The following ACAD9 variants were observed in gnomAD, a reference collection of about 807,000 sequenced individuals.
ACAD9 encodes acyl-CoA dehydrogenase family member 9.
A neutral mutation model predicts 70.2 loss-of-function variants in ACAD9; 53 were observed. That is an observed-to-expected ratio of 0.75 (90% CI 0.61 to 0.95). ACAD9 has a LOEUF of 0.95. Among genes scored for constraint, ACAD9 ranks in the 40% least tolerant of loss-of-function variants. ACAD9 has a pLI of 0.00. For synonymous variants in ACAD9, 313 were observed against 312.1 expected, an observed-to-expected ratio of 1.00 and a Z score of -0.03; for missense variants, 777 against 802.8, an observed-to-expected ratio of 0.97 and a Z score of 0.39.
At chr3:128,888,288 G>C (rs1433275167) in intron 2 of ACAD9, among the ~76,000 whole-genome samples, 1 of 152,148 alleles carries the variant, frequency 6.6e-6, no homozygotes, top group East Asian at 1.9e-4. Flanking sequence ...AACATCTTAA[G>C]TAGTTTTAGG....
At chr3:128,906,651 G>A (rs1273342628) in intron 12 of ACAD9, among the ~76,000 whole-genome samples, 4 of 152,198 alleles carry the variant, frequency 2.6e-5, no homozygotes, top group Admixed American at 2.6e-4. Context: ...AACCAGGGCC[G>A]GGTGGAGGGC....
chr3:128,887,644 A>AATAAATATATATATATATATATATATAT (rs1436892805), intron 2 of ACAD9, among the ~76,000 whole-genome samples: 3 of 133,100 alleles, frequency 2.3e-5, no homozygotes, highest in African/African-American at 8.7e-5. Context: ...AAAATAAATA[A>AATAAATATATATATATATATATATATAT]ATATATATAT....
At chr3:128,904,597 A>G (rs942292299) in intron 11 of ACAD9, 92 bp downstream of exon 11, 2 of 1,536,692 alleles carry the variant, frequency 1.3e-6, no homozygotes, top group Non-Finnish European at 1.8e-6. Flanking sequence ...GTTGCCTGTC[A>G]TCTTCCTCCT....
intron 2 of ACAD9, among the ~76,000 whole-genome samples, chr3:128,887,396 C>T (rs1487914686): frequency 1.3e-5 from 2 of 151,876 alleles, no homozygotes; most frequent in East Asian, 3.9e-4. Flanking sequence ...GCTTGAGTCC[C>T]AGAGTTTGAG....
At chr3:128,885,006 TAAAAATG>T (rs891788590) in intron 2 of ACAD9, among the ~76,000 whole-genome samples, 11 of 152,294 alleles carry the variant, frequency 7.2e-5, no homozygotes, top group Admixed American at 2.0e-4. Context: ...AAAGCTATAA[TAAAAATG>T]AATAACTAAA....
chr3:128,910,216 T>C (rs1037509547), intron 16 of ACAD9, 67 bp downstream of exon 16: 10 of 1,609,592 alleles, frequency 6.2e-6, no homozygotes, highest in African/African-American at 1.3e-5. Flanking sequence ...TTTAATGAAG[T>C]TGATTGTTGA....
rs1432669401 is a variant in ACAD9 at position 128,908,265 on chromosome 3, G to A, written c.1358+1G>A. On this transcript the variant is annotated splice_donor_variant, in intron 13 of 17. Transcript: ENST00000308982. LOFTEE classifies it high-confidence loss of function. ...GCCGCATCCTGACTACCAGGATCCA[G>A]TAGGTGCCATTGTCACCGTGTGCTT... is the stretch of plus-strand genomic sequence containing the variant. 1 of 1,614,156 alleles carries A rather than the reference G, an allele frequency of 6.2e-7. No individual in the cohort carries two copies. Among genetic ancestry groups the A allele is most frequent in the Non-Finnish European group, 8.5e-7 (1 of 1,180,026 alleles).
chr3:128,879,783 G>T lies in ACAD9; in HGVS notation c.92G>T (p.Arg31Leu), dbSNP rs753248658. 1 of 1,613,606 alleles carries T rather than the reference G, an allele frequency of 6.2e-7. No individual in the cohort carries two copies. The highest frequency in any genetic ancestry group is 1.3e-5 in the African/African-American group (1 of 74,936). ...TCTACCGCGAACCGGCGGCTACTGC[G>T]CACCAGCCCGCCTGTACGAGCTTTC... ...VVSTANRRLL[R>L]TSPPVRAFAK... The change falls in exon 1 of 18, where the codon CGC becomes CTC. Residue 31 changes from arginine (R) to leucine (L), a missense_variant. Transcript: ENST00000308982.
intron 16 of ACAD9, 110 bp downstream of exon 16, chr3:128,910,259 C>G: frequency 6.4e-7 from 1 of 1,557,462 alleles, no homozygotes; most frequent in African/African-American, 1.3e-5. Context: ...GGAGGCTGTG[C>G]AGGTTCACCA....
In ACAD9 at chr3:128,908,247, C is replaced by T; in HGVS notation, c.1341C>T (p.Ile447=). The T allele has an allele frequency of 6.2e-7, 1 of 1,614,192 alleles. No individual in the cohort carries two copies. The highest frequency in any genetic ancestry group is 8.5e-7 in the Non-Finnish European group (1 of 1,180,032). Residue 447 remains isoleucine (I), a synonymous_variant, in exon 13 of 18, where the codon ATC becomes ATT. Transcript: ENST00000308982. Reference sequence around the variant, plus strand: ...CGGGTCTGCAGCATGCCGGCCGCATCCTGACTACCAGGATCCAGTAGGTGC... The same window carrying T: ...CGGGTCTGCAGCATGCCGGCCGCATTCTGACTACCAGGATCCAGTAGGTGC... ...ALTGLQHAGR[I]LTTRIHELKQ...
In ACAD9 at chr3:128,909,411, G is replaced by T. The variant is rs781149699; in HGVS notation, c.1553G>T (p.Arg518Leu). Residue 518 changes from arginine to leucine, a missense_variant, in exon 15 of 18, where the codon CGC becomes CTC. Physicochemically the swap from Arg to Leu is moderately radical, Grantham distance 102 (BLOSUM62 -2). Transcript: ENST00000308982. The part of the protein sequence containing the change: ...FGRTVETLLL[R>L]FGKTIMEEQL... Reference sequence around the variant, plus strand: ...CGGACCGTGGAGACACTGCTGCTCCGCTTTGGCAAGGTAACCAGGCCCTCC... The same window carrying T: ...CGGACCGTGGAGACACTGCTGCTCCTCTTTGGCAAGGTAACCAGGCCCTCC... 6.2e-7 allele frequency: 1 copy of T among 1,614,062 alleles called. No individual in the cohort carries two copies. The highest frequency in any genetic ancestry group is 1.3e-5 in the African/African-American group (1 of 75,068).
chr3:128,907,265 T>C (rs945481689), intron 12 of ACAD9, among the ~76,000 whole-genome samples: 9 of 152,060 alleles, frequency 5.9e-5, no homozygotes, highest in African/African-American at 2.2e-4. Flanking sequence ...GCCTACCCAT[T>C]GGGTTCCAGC....
intron 2 of ACAD9, among the ~76,000 whole-genome samples, chr3:128,890,133 C>T (rs1376942159): frequency 6.6e-6 from 1 of 151,522 alleles, no homozygotes; most frequent in Non-Finnish European, 1.5e-5. Flanking sequence ...GCCTGTATTT[C>T]CTTTTTTTTT....
In ACAD9 at chr3:128,902,249, A is replaced by G. The variant is rs1340840141; in HGVS notation, c.883-304A>G. ...AAAAGTAGAATTTCTGTTTGGCCCA[A>G]GTTGGTCTTGAACTCCTGGGCTCAA... On this transcript the variant is annotated intron_variant, in intron 8 of 17. Transcript: ENST00000308982. The surrounding 1 kb of genome is among the most constrained non-coding windows in gnomAD (Gnocchi z 4.0). 2.0e-5 allele frequency among the ~76,000 whole-genome samples: 3 copies of G among 152,200 alleles called. No homozygotes were observed. Among genetic ancestry groups the G allele is most frequent in the Admixed American group, 2.0e-4 (3 of 15,280 alleles).
chr3:128,909,529 A>ATGT, intron 15 of ACAD9, 108 bp downstream of exon 15: 1 of 1,205,142 alleles, frequency 8.3e-7, no homozygotes, highest in South Asian at 1.2e-5. Context: ...TAGAACAGAA[A>ATGT]TGTTGATCAC....
chr3:128,906,292 C>T, intron 12 of ACAD9, 43 bp downstream of exon 12: 1 of 1,611,302 alleles, frequency 6.2e-7, no homozygotes, highest in South Asian at 1.1e-5. Flanking sequence ...CCACCCCCAC[C>T]CTGCCTGGTC....
At chr3:128,908,050 T>C in intron 12 of ACAD9, 135 bp from the exon 13 acceptor site, 1 of 848,056 alleles carries the variant, frequency 1.2e-6, no homozygotes, top group Non-Finnish European at 2.0e-6. Context: ...AGAGCCCTGC[T>C]CCCAGCTACT....
chr3:128,904,492 C>T lies in ACAD9; in HGVS notation c.1136C>T (p.Ala379Val). 6.2e-7 allele frequency: 1 copy of T among 1,614,064 alleles called. No individual in the cohort carries two copies. The highest frequency in any genetic ancestry group is 1.1e-5 in the South Asian group (1 of 91,092). ...QPGFPDCSIE[A>V]AMVKVFSSEA... ...GGCTTTCCCGACTGCTCCATCGAGG[C>T]AGCCATGGTGAAGGTAACCCTGGCA... The change falls in exon 11 of 18, where the codon GCA (alanine) becomes GTA (valine). Residue 379 changes from alanine to valine, a missense_variant. Ala to Val is a moderately conservative substitution (Grantham distance 64). Coordinates refer to ENST00000308982, the MANE Select transcript of ACAD9 (RefSeq NM_014049.5).
intron 15 of ACAD9, chr3:128,909,813 C>T (rs1034614424): frequency 8.3e-6 from 6 of 718,870 alleles, no homozygotes; most frequent in Non-Finnish European, 1.4e-5. Flanking sequence ...CTTGCCTTAA[C>T]CCCTCCCTGA....
Sources: gnomAD v4.1 joint callset for allele counts (sites outside exome capture counted in the v4.1 genomes callset) on GRCh38, gnomAD v4.1.1 for gene constraint, Gnocchi (gnomAD v3.1) non-coding constraint, MANE v1.5 for transcripts, NCBI Gene and HGNC (gene_info 2026-07-23, HGNC 2026-07-21) for gene names.